CEP128: variants seen among roughly 807,000 people sequenced by gnomAD.
CEP128 encodes centrosomal protein 128.
A neutral mutation model predicts 156.7 loss-of-function variants in CEP128; 132 were observed. That is an observed-to-expected ratio of 0.84 (90% confidence interval 0.73 to 0.97). The LOEUF (loss-of-function observed/expected upper bound fraction) is 0.97. Ranked by LOEUF, CEP128 falls within the 50% of genes least tolerant of loss-of-function variation. CEP128 has a pLI of 0.00. For missense variants in CEP128, 1,252 were observed against 1,281.9 expected, an observed-to-expected ratio of 0.98 and a Z score of 0.36; for synonymous variants, 469 against 448.9, an observed-to-expected ratio of 1.04 and a Z score of -0.57.
intron 19 of CEP128, among the ~76,000 whole-genome samples, chr14:80,620,697 A>G (rs977897703): frequency 1.7e-4 from 26 of 152,210 alleles, no homozygotes; most frequent in Non-Finnish European, 3.1e-4. Context: ...CCACTCATTG[A>G]AAGAACCAGG....
At chr14:80,667,260 G>C (rs1055064229) in intron 19 of CEP128, among the ~76,000 whole-genome samples, 2 of 152,196 alleles carry the variant, frequency 1.3e-5, no homozygotes, top group African/African-American at 2.4e-5. Flanking sequence ...CCATGAGGCT[G>C]ACTGAAGCTG....
chr14:80,617,549 T>A (rs183194537), intron 19 of CEP128, among the ~76,000 whole-genome samples: 159 of 152,206 alleles, frequency 1.0e-3, no homozygotes, highest in African/African-American at 3.6e-3. Context: ...ATATCATCTT[T>A]TAAAGAACAT....
At chr14:80,900,087 A>T in intron 6 of CEP128, 58 bp from the exon 7 acceptor site, 1 of 1,100,604 alleles carries the variant, frequency 9.1e-7, no homozygotes, top group Non-Finnish European at 1.4e-6. Flanking sequence ...TTCCATGAAG[A>T]TTCACCAAAG....
At chr14:80,870,710 A>G (rs1198352639) in intron 8 of CEP128, among the ~76,000 whole-genome samples, 1 of 152,016 alleles carries the variant, frequency 6.6e-6, no homozygotes, top group African/African-American at 2.4e-5. Flanking sequence ...CAGTATGAAC[A>G]CTTCCATTCA....
chr14:80,801,614 ACAACT>A (rs1016588504), intron 13 of CEP128, among the ~76,000 whole-genome samples: 1 of 152,114 alleles, frequency 6.6e-6, no homozygotes, highest in African/African-American at 2.4e-5. Flanking sequence ...ATAAGAAAAA[ACAACT>A]CAACATCGGT....
At chr14:80,914,178 A>T in intron 4 of CEP128, 144 bp downstream of exon 4, 1 of 574,238 alleles carries the variant, frequency 1.7e-6, no homozygotes, top group East Asian at 3.0e-5. Context: ...GCTAACCTAA[A>T]CTTAAACTAT....
chr14:80,524,209 A>C (rs1888875465), intron 23 of CEP128, among the ~76,000 whole-genome samples: 1 of 152,176 alleles, frequency 6.6e-6, no homozygotes. Flanking sequence ...GTAGCTGTAC[A>C]GTATGTTTGT....
At chr14:80,542,539 G>A (rs577237995) in intron 21 of CEP128, among the ~76,000 whole-genome samples, 18 of 152,144 alleles carry the variant, frequency 1.2e-4, no homozygotes, top group Non-Finnish European at 4.4e-5. Context: ...AGTATAGACC[G>A]AGTTAAAGAG....
chr14:80,723,370 A>T (rs1897897613), intron 19 of CEP128, among the ~76,000 whole-genome samples: 1 of 152,206 alleles, frequency 6.6e-6, no homozygotes, highest in Admixed American at 6.5e-5. Context: ...TCAAAGAAAG[A>T]TCCTTTAAAG....
Position 80,926,097 on chromosome 14 carries a change from G to C in CEP128, c.-15-9535C>G, listed in dbSNP as rs529552395. On this transcript the variant is annotated intron_variant, in intron 2 of 24. Transcript: ENST00000555265. ...TGAGAGAAGCTCCCAACTGAGACCT[G>C]TGATATAATCTTTAGTGGGGACAAA... Among the ~76,000 whole-genome samples the C allele has an allele frequency of 2.6e-3, 398 of 152,288 alleles. 5 individuals are homozygous for C. Among genetic ancestry groups the C allele is most frequent in the African/African-American group, 9.3e-3 (387 of 41,554 alleles).
At chr14:80,498,315 T>C (rs1887586110) in intron 24 of CEP128, among the ~76,000 whole-genome samples, 1 of 152,172 alleles carries the variant, frequency 6.6e-6, no homozygotes, top group South Asian at 2.1e-4. Flanking sequence ...CTTTCTGTTT[T>C]CTTCTTGCTC....
At chr14:80,681,363 C>A (rs762291352) in intron 19 of CEP128, among the ~76,000 whole-genome samples, 1 of 152,130 alleles carries the variant, frequency 6.6e-6, no homozygotes, top group Non-Finnish European at 1.5e-5. Flanking sequence ...TGTAGCGACA[C>A]CACCAATAGA....
intron 23 of CEP128, among the ~76,000 whole-genome samples, chr14:80,520,250 C>T (rs774008870): frequency 2.0e-5 from 3 of 152,076 alleles, no homozygotes; most frequent in Non-Finnish European, 4.4e-5. Flanking sequence ...GAAACCCCAT[C>T]TCCACTAAAA....
chr14:80,942,518 C>G (rs1886209973), upstream of CEP128: 1 of 152,222 alleles, frequency 6.6e-6, no homozygotes, highest in Non-Finnish European at 1.5e-5. Flanking sequence ...CCCTTCTTCT[C>G]TGCCAAAAAG....
At chr14:80,688,004 T>G (rs1478752842) in intron 19 of CEP128, among the ~76,000 whole-genome samples, 1 of 152,156 alleles carries the variant, frequency 6.6e-6, no homozygotes, top group African/African-American at 2.4e-5. Flanking sequence ...TTTATTCTGA[T>G]AGTTGCTTCA....
chr14:80,718,064 G>A (rs1041749758), intron 19 of CEP128, among the ~76,000 whole-genome samples: 3 of 152,096 alleles, frequency 2.0e-5, no homozygotes, highest in African/African-American at 7.2e-5. Flanking sequence ...TTGAAGAGAT[G>A]AAGTTTTTCC....
chr14:80,568,805 G>GA lies in CEP128; in HGVS notation c.2857-9504dup, dbSNP rs557470305. 9.1e-3 allele frequency among the ~76,000 whole-genome samples: 1,369 copies of GA among 150,254 alleles called. 29 individuals carry two copies. The highest frequency in any genetic ancestry group is 0.028 in the African/African-American group (1,143 of 40,944). Reference sequence around the variant, plus strand: ...CTCTTCTTTCTAAGAACAACGAGGGGAAAAAAAAACCAACAACTAAGTTTT... The same window carrying GA: ...CTCTTCTTTCTAAGAACAACGAGGGGAAAAAAAAAACCAACAACTAAGTTTT... On this transcript the variant is annotated intron_variant, in intron 20 of 24. Transcript: ENST00000555265.
chr14:80,508,194 G>A (rs1236207098), intron 23 of CEP128, among the ~76,000 whole-genome samples: 1 of 152,208 alleles, frequency 6.6e-6, no homozygotes, highest in African/African-American at 2.4e-5. Context: ...GGGATTACAG[G>A]CGTGAGCCAC....
intron 20 of CEP128, among the ~76,000 whole-genome samples, chr14:80,575,834 A>G (rs1449933427): frequency 6.6e-6 from 1 of 152,226 alleles, no homozygotes. Flanking sequence ...AGGAAAATGA[A>G]TAGTAAAAAT....
Sources: gnomAD v4.1 joint callset for allele counts (sites outside exome capture counted in the v4.1 genomes callset) on GRCh38, gnomAD v4.1.1 for gene constraint, MANE v1.5 for transcripts, NCBI Gene and HGNC (gene_info 2026-07-23, HGNC 2026-07-21) for gene names.